The following FLII variants were observed in gnomAD, a reference collection of about 807,000 sequenced individuals.
The protein encoded by FLII is protein flightless-1 homolog.
A neutral mutation model predicts 156.2 loss-of-function variants in FLII; 101 were observed. The ratio of observed to expected loss-of-function variants is 0.65; its 90% CI spans 0.55 to 0.76. The LOEUF (loss-of-function observed/expected upper bound fraction) is 0.76. Among genes scored for constraint, FLII ranks in the 30% least tolerant of loss-of-function variants. The probability of loss-of-function intolerance (pLI) is 0.00; values close to 1 mark genes in which losing one functional copy is unlikely to be tolerated. For missense variants in FLII, 1,675 were observed against 1,682.8 expected (o/e 1.00, Z 0.08); for synonymous variants, 767 against 685.8 (o/e 1.12, Z -1.85).
intron 8 of FLII, 39 bp downstream of exon 8, chr17:18,253,505 G>A (rs780331448): frequency 6.2e-7 from 1 of 1,613,220 alleles, no homozygotes; most frequent in Non-Finnish European, 8.5e-7. Context: ...CAGGCTCACG[G>A]CCTTCCTCCC....
At chr17:18,251,509 T>TTG in intron 12 of FLII, 32 bp from the exon 13 acceptor site, 1 of 1,579,242 alleles carries the variant, frequency 6.3e-7, no homozygotes, top group Non-Finnish European at 8.6e-7. Context: ...ACGGCTTGAC[T>TTG]CTGTGAAGCC....
rs77821722 is a variant in FLII, at chr17:18,246,974, G to A, written c.2755C>T (p.Arg919Trp). The A allele has an allele frequency of 6.2e-7, 1 of 1,614,116 alleles. No individual in the cohort carries two copies. The highest frequency in any genetic ancestry group is 8.5e-7 in the Non-Finnish European group (1 of 1,180,010). Residue 919 changes from arginine to tryptophan, a missense_variant, in exon 22 of 30, where the codon CGG becomes TGG. Around this residue, in one of 2 missense-constraint regions of FLII, gnomAD observed 1,332 missense variants for 1,269.3 expected, o/e 1.05. Coordinates refer to ENST00000327031, the MANE Select transcript of FLII (RefSeq NM_002018.4). ...TGGCCAAACTCCTCTTCCGGCAGCC[G>A]CGCAAACTTCTTGCCCTCCAGCACG... is the stretch of plus-strand genomic sequence containing the variant. ...GFVLEGKKFA[R>W]LPEEEFGHFY... is the part of the protein sequence containing the mutation.
In FLII at chr17:18,254,125, G is replaced by A. The variant is rs747676736; in HGVS notation, c.633C>T (p.Thr211=). Residue 211 remains threonine (T), a synonymous_variant, in exon 7 of 30, where the codon ACC becomes ACT. Transcript: ENST00000327031. ...CCAGGCTGGTGGGCAGGTTGCTCTG[G>A]GTGCGCTGGGTGCTCCGCAGGTGCA... is the stretch of plus-strand genomic sequence containing the variant. ...QTLHLRSTQR[T]QSNLPTSLEG... 16 of 1,611,602 alleles carry A rather than the reference G, an allele frequency of 9.9e-6. No individual in the cohort carries two copies. Among genetic ancestry groups the A allele is most frequent in the Non-Finnish European group, 1.4e-5 (16 of 1,178,864 alleles).
chr17:18,253,518 C>A (rs202072677), intron 8 of FLII, 26 bp downstream of exon 8: 5 of 1,613,110 alleles, frequency 3.1e-6, no homozygotes, highest in Non-Finnish European at 4.2e-6. Context: ...TTCCTCCCAT[C>A]CCCCTACTGA....
Position 18,254,189 on chromosome 17 carries a change from G to A in FLII, c.576-7C>T. 1 of 1,600,306 alleles carries A rather than the reference G, an allele frequency of 6.2e-7. No homozygotes were observed. The highest frequency in any genetic ancestry group is 2.2e-5 in the East Asian group (1 of 44,622). On this transcript the variant is annotated splice_region_variant and splice_polypyrimidine_tract_variant and intron_variant, in intron 6 of 29. Transcript: ENST00000327031. ...CGTCATCGCTGGGAGCTGCCTGCCA[G>A]GGTGACGTGAGTGGTCAGGGCCAGG...
chr17:18,258,462 G>A lies in FLII; in HGVS notation c.63+166C>T. 6.6e-7 allele frequency: 1 copy of A among 1,510,096 alleles called. No individual in the cohort carries two copies. The highest frequency in any genetic ancestry group is 2.6e-5 in the East Asian group (1 of 37,786). 93.5% of individuals were successfully genotyped at this position (1,510,096 alleles called of 1,614,324 possible). ...CTCCCCGTACAGGCACTGGGCGGAG[G>A]CCTCGGAGGTCCATTCCTGGCCAGG... On this transcript the variant is annotated intron_variant, in intron 1 of 29. Coordinates refer to ENST00000327031, the MANE Select transcript of FLII (RefSeq NM_002018.4). This position sits in a 1 kb window ranked among gnomAD's most constrained non-coding sequence, Gnocchi z 4.2.
rs2048338292 is a variant in FLII at position 18,253,786 on chromosome 17, T to C, written c.680-67A>G. ...CAGGTGCCAGGGCAGCCAGCCCTAG[T>C]GTGAACCCCAGCTCTGCCACCTCTG... On this transcript the variant is annotated intron_variant, in intron 7 of 29. Coordinates refer to ENST00000327031, the MANE Select transcript of FLII (RefSeq NM_002018.4). The C allele has an allele frequency of 9.0e-6, 13 of 1,444,506 alleles. No homozygotes were observed. The South Asian group carries it at 1.7e-4, about 19-fold the overall frequency. 89.5% of individuals were successfully genotyped at this position (1,444,506 alleles called of 1,614,324 possible).
At chr17:18,253,073 C>G (rs1446245268) in intron 9 of FLII, among the ~76,000 whole-genome samples, 2 of 152,220 alleles carry the variant, frequency 1.3e-5, no homozygotes, top group African/African-American at 2.4e-5. Context: ...TCGCTTGAAC[C>G]TGGGAGACAG....
intron 14 of FLII, among the ~76,000 whole-genome samples, chr17:18,250,292 G>C (rs1470390297): frequency 6.6e-6 from 1 of 152,164 alleles, no homozygotes; most frequent in Non-Finnish European, 1.5e-5. Context: ...AAACCTGGGT[G>C]AATGTGGGTA....
rs1597901543 is a variant in FLII, at chr17:18,247,307, G to A, written c.2538C>T (p.Tyr846=). The part of the protein sequence containing the change: ...KNWDDVLTVD[Y]TRNAEAVLQS... ...GCAGCACGGCCTCCGCATTGCGTGT[G>A]TAGTCCACCGTCAACACATCGTCCC... Residue 846 remains tyrosine, a synonymous_variant, in exon 21 of 30, where the codon TAC becomes TAT. Coordinates refer to ENST00000327031, the MANE Select transcript of FLII (RefSeq NM_002018.4). 6.2e-7 allele frequency: 1 copy of A among 1,610,798 alleles called. No individual in the cohort carries two copies. Among genetic ancestry groups the A allele is most frequent in the Non-Finnish European group, 8.5e-7 (1 of 1,179,174 alleles).
chr17:18,251,493 C>T lies in FLII; in HGVS notation c.1384-16G>A. On this transcript the variant is annotated splice_polypyrimidine_tract_variant and intron_variant, in intron 12 of 29. Transcript: ENST00000327031. The stretch of plus-strand genomic sequence containing the variant: ...CTGCGCTCTCCTGGGGGCAGAGTCA[C>T]AGAGCACGGCTTGACTCTGTGAAGC... 6.3e-7 allele frequency: 1 copy of T among 1,591,774 alleles called. No individual in the cohort carries two copies. The highest frequency in any genetic ancestry group is 8.6e-7 in the Non-Finnish European group (1 of 1,168,032).
chr17:18,247,559 TG>T, intron 20 of FLII, 97 bp downstream of exon 20: 1 of 1,221,480 alleles, frequency 8.2e-7, no homozygotes, highest in Non-Finnish European at 1.1e-6. Context: ...GAGGTGGGTT[TG>T]GGCCCAGCTC....
chr17:18,247,417 T>C (rs2142802528), intron 20 of FLII, 60 bp from the exon 21 acceptor site: 1 of 1,480,644 alleles, frequency 6.8e-7, no homozygotes. Flanking sequence ...TTGGAGGAAG[T>C]AGCCCGAGGC....
chr17:18,251,312 C>G lies in FLII; in HGVS notation c.1549G>C (p.Ala517Pro). ...GCCTCGTAGAACTTGCCGTGGAAGGCTTCCTCCACCAGCACAGGCACGAAG... is the reference window on the plus strand; with the variant it reads ...GCCTCGTAGAACTTGCCGTGGAAGGGTTCCTCCACCAGCACAGGCACGAAG... ...ENFVPVLVEE[A>P]FHGKFYEADC... The change falls in exon 13 of 30, where the codon GCC becomes CCC. Residue 517 changes from alanine to proline, a missense_variant. This residue lies in a region of FLII where 1,332 missense variants were observed against 1,269.3 expected (regional missense o/e 1.05). Transcript: ENST00000327031. The G allele has an allele frequency of 6.2e-7, 1 of 1,614,008 alleles. No individual in the cohort carries two copies. Among genetic ancestry groups the G allele is most frequent in the Non-Finnish European group, 8.5e-7 (1 of 1,180,040 alleles).
Position 18,248,891 on chromosome 17 carries a change from A to G in FLII, c.1935-8T>C, listed in dbSNP as rs1246781894. 6.2e-7 allele frequency: 1 copy of G among 1,612,070 alleles called. No individual in the cohort carries two copies. On this transcript the variant is annotated splice_region_variant and splice_polypyrimidine_tract_variant and intron_variant, in intron 16 of 29. Coordinates refer to ENST00000327031, the MANE Select transcript of FLII (RefSeq NM_002018.4). ...TCCAGCAGGAAAACAAACCTGGACAAGAAGGGGCAGGAAGGAGCTGTGATG... is the reference window on the plus strand; with the variant it reads ...TCCAGCAGGAAAACAAACCTGGACAGGAAGGGGCAGGAAGGAGCTGTGATG...
At position 18,258,083 on chromosome 17, in the gene FLII, T is replaced by C. The variant is rs570090046; in HGVS notation, c.63+545A>G. Among the ~76,000 whole-genome samples, 2 of 152,360 alleles carry C rather than the reference T, an allele frequency of 1.3e-5. No individual in the cohort carries two copies. Among genetic ancestry groups the C allele is most frequent in the South Asian group, 4.1e-4 (2 of 4,834 alleles). Reference sequence around the variant, plus strand: ...CTCTCCACACCAACAAATCTCACTATACTCCTTGCGTCCAAGGAGGAGACT... The same window carrying C: ...CTCTCCACACCAACAAATCTCACTACACTCCTTGCGTCCAAGGAGGAGACT... On this transcript the variant is annotated intron_variant, in intron 1 of 29. Transcript: ENST00000327031. The surrounding 1 kb of genome is among the most constrained non-coding windows in gnomAD (Gnocchi z 4.2).
At position 18,246,818 on chromosome 17, in the gene FLII, G is replaced by A. The variant is rs748682570; in HGVS notation, c.2827C>T (p.Pro943Ser). The A allele has an allele frequency of 6.2e-7, 1 of 1,613,956 alleles. No individual in the cohort carries two copies. ...TTTTCCTCCTCCTCGTACTCCACAG[G>A]CACCCAGTACCTGCCGGGTTGGAAG... ...CYVFLCRYWV[P>S]VEYEEEEKKE... Residue 943 changes from proline (P) to serine (S), a missense_variant, in exon 23 of 30, where the codon CCT (proline) becomes TCT (serine). Pro to Ser is a moderately conservative substitution (Grantham distance 74). Transcript: ENST00000327031.
At position 18,245,363 on chromosome 17, in the gene FLII, C is replaced by T; in HGVS notation, c.3666G>A (p.Lys1222=). 4 of 1,614,214 alleles carry T rather than the reference C, an allele frequency of 2.5e-6. No individual in the cohort carries two copies. Among genetic ancestry groups the T allele is most frequent in the Non-Finnish European group, 2.5e-6 (3 of 1,180,032 alleles). Residue 1222 remains lysine (K), a synonymous_variant, in exon 29 of 30, where the codon AAG becomes AAA. Coordinates refer to ENST00000327031, the MANE Select transcript of FLII (RefSeq NM_002018.4). ...CCTCCACCCAGATTACCTGGCAGGC[C>T]TTCAGGCTCAGCTTGATCTCCACCT... ...TSQVEIKLSL[K]ACQVYIQHMR...
Position 18,254,142 on chromosome 17 carries a change from GC to G in FLII, c.615del (p.Arg206GlyfsTer17). 1 of 1,611,472 alleles carries G rather than the reference GC, an allele frequency of 6.2e-7. No homozygotes were observed. The highest frequency in any genetic ancestry group is 8.5e-7 in the Non-Finnish European group (1 of 1,178,824). ...TTGCTCTGGGTGCGCTGGGTGCTCC[GC>G]AGGTGCAGGGTCTGCAGGGCCGTCA... ...PAMTALQTLH[L>X]RSTQRTQSNL... On this transcript the variant is annotated frameshift_variant, in exon 7 of 30. Coordinates refer to ENST00000327031, the MANE Select transcript of FLII (RefSeq NM_002018.4). LOFTEE classifies it high-confidence loss of function.
Sources: gnomAD v4.1 joint callset for allele counts (sites outside exome capture counted in the v4.1 genomes callset) on GRCh38, gnomAD v4.1.1 for gene constraint, gnomAD v4.1.1 regional missense constraint, Gnocchi (gnomAD v3.1) non-coding constraint, MANE v1.5 for transcripts, NCBI Gene and HGNC (gene_info 2026-07-23, HGNC 2026-07-21) for gene names.